MCM3AP: variants seen among roughly 807,000 people sequenced by gnomAD.
MCM3AP encodes germinal-center associated nuclear protein.
A neutral mutation model predicts 184.1 loss-of-function variants in MCM3AP; 126 were observed. The observed-to-expected ratio is 0.68, with a 90% confidence interval of 0.59 to 0.79. The LOEUF (loss-of-function observed/expected upper bound fraction) is 0.79. Ranked by LOEUF, MCM3AP falls within the 30% of genes least tolerant of loss-of-function variation. MCM3AP has a pLI of 0.00. For synonymous variants in MCM3AP, 1,002 were observed against 979.3 expected (o/e 1.02, Z -0.43); for missense variants, 2,496 against 2,479.2 (o/e 1.01, Z -0.14).
At chr21:46,249,646 C>T (rs906138459) in intron 20 of MCM3AP, 13 of 448,886 alleles carry the variant, frequency 2.9e-5, no homozygotes, top group African/African-American at 1.4e-4. Flanking sequence ...AAATTCCCCT[C>T]GCATGACATA....
intron 4 of MCM3AP, among the ~76,000 whole-genome samples, chr21:46,278,280 G>A (rs2081280440): frequency 6.6e-6 from 1 of 152,034 alleles, no homozygotes; most frequent in South Asian, 2.1e-4. Flanking sequence ...GAAATATTAA[G>A]CCTACATGTT....
intron 19 of MCM3AP, chr21:46,252,110 T>A (rs2080882053): frequency 6.5e-6 from 1 of 154,636 alleles, no homozygotes. Context: ...CAAGCAATCC[T>A]CCCTCCACAG....
At chr21:46,277,282 TC>T (rs1242479822) in intron 5 of MCM3AP, among the ~76,000 whole-genome samples, 2 of 152,192 alleles carry the variant, frequency 1.3e-5, no homozygotes, top group East Asian at 3.8e-4. Context: ...AGGAGCCCAT[TC>T]TTTTGCATCC....
chr21:46,269,493 T>C (rs1468423879), intron 9 of MCM3AP, among the ~76,000 whole-genome samples: 1 of 152,224 alleles, frequency 6.6e-6, no homozygotes, highest in African/African-American at 2.4e-5. Flanking sequence ...TTTGGCAACC[T>C]GCAGATCTGA....
chr21:46,264,857 C>G (rs2081089028), intron 12 of MCM3AP, among the ~76,000 whole-genome samples: 1 of 152,152 alleles, frequency 6.6e-6, no homozygotes, highest in Admixed American at 6.5e-5. Flanking sequence ...AGGTCACACC[C>G]ATCAGTGGGG....
intron 22 of MCM3AP, among the ~76,000 whole-genome samples, chr21:46,245,701 G>A (rs1337671851): frequency 2.0e-5 from 3 of 152,108 alleles, no homozygotes; most frequent in Non-Finnish European, 4.4e-5. Flanking sequence ...GTCTTGCTAT[G>A]TTGGCCAGGC....
chr21:46,260,134 T>C (rs916263733), intron 15 of MCM3AP, among the ~76,000 whole-genome samples: 10 of 149,556 alleles, frequency 6.7e-5, no homozygotes, highest in South Asian at 2.1e-4. Flanking sequence ...TCTATCTTCA[T>C]TGTAAAAGAA....
chr21:46,281,145 A>C (rs2081327196), intron 2 of MCM3AP, among the ~76,000 whole-genome samples: 1 of 152,098 alleles, frequency 6.6e-6, no homozygotes, highest in Admixed American at 6.5e-5. Context: ...TAGAACTCAC[A>C]AACTTGGCCT....
At position 46,235,250 on chromosome 21, in the gene MCM3AP, C is replaced by T. The variant is rs1271792947; in HGVS notation, c.*18G>A. 3.1e-6 allele frequency: 5 copies of T among 1,612,900 alleles called. No homozygotes were observed. The highest frequency in any genetic ancestry group is 4.2e-6 in the Non-Finnish European group (5 of 1,179,154). ...AGAAACTCTTCGGGAGAGACCCCCTCCCCACAGGTCAGGCTGCTCAAATGT... is the reference window on the plus strand; with the variant it reads ...AGAAACTCTTCGGGAGAGACCCCCTTCCCACAGGTCAGGCTGCTCAAATGT... On this transcript the variant is annotated 3_prime_UTR_variant, in exon 28 of 28. Transcript: ENST00000291688.
chr21:46,261,408 A>C lies in MCM3AP; in HGVS notation c.3339T>G (p.Val1113=). The C allele has an allele frequency of 6.2e-7, 1 of 1,613,980 alleles. No individual in the cohort carries two copies. The highest frequency in any genetic ancestry group is 1.1e-5 in the South Asian group (1 of 91,082). ...GAAYAAAALG[V]SNAAMEDLLT... is the part of the protein sequence containing the mutation. ...ACAAATCCTCCATAGCAGCATTAGA[A>C]ACACTAAACGGAGCAAAGGGGATAG... is the stretch of plus-strand genomic sequence containing the variant. The change falls in exon 14 of 28, where the codon GTT becomes GTG. Residue 1113 remains valine, a synonymous_variant. Transcript: ENST00000291688.
chr21:46,254,932 G>GA, intron 17 of MCM3AP, 88 bp from the exon 18 acceptor site: 1 of 910,750 alleles, frequency 1.1e-6, no homozygotes, highest in Non-Finnish European at 1.8e-6. Flanking sequence ...TCAGGAGACT[G>GA]AAAAACACAT....
At chr21:46,253,485 G>A (rs2080902829) in intron 19 of MCM3AP, 1 of 152,214 alleles carries the variant, frequency 6.6e-6, no homozygotes, top group Admixed American at 6.5e-5. Flanking sequence ...GGTGGGAAGT[G>A]ATTGTATCAT....
upstream of MCM3AP, chr21:46,285,859 G>A (rs2081414520): frequency 1.3e-5 from 2 of 152,350 alleles, no homozygotes; most frequent in South Asian, 4.1e-4. Context: ...CCTTCATCGC[G>A]CCCTGGCGGC....
At chr21:46,263,965 G>A in intron 13 of MCM3AP, 152 bp downstream of exon 13, 1 of 552,318 alleles carries the variant, frequency 1.8e-6, no homozygotes, top group Non-Finnish European at 3.3e-6. Flanking sequence ...AAAGAAGAAT[G>A]TAGGGGAAAA....
intron 26 of MCM3AP, 114 bp from the exon 27 acceptor site, chr21:46,237,093 T>G: frequency 2.3e-6 from 1 of 440,304 alleles, no homozygotes; most frequent in Non-Finnish European, 3.5e-6. Flanking sequence ...TTTTAAAATT[T>G]TATATAATTT....
intron 15 of MCM3AP, among the ~76,000 whole-genome samples, chr21:46,259,698 G>A (rs1407289236): frequency 2.6e-5 from 4 of 151,956 alleles, no homozygotes; most frequent in African/African-American, 9.7e-5. Flanking sequence ...GGATCACGAG[G>A]TCAGGAGATC....
intron 26 of MCM3AP, 56 bp downstream of exon 26, chr21:46,240,755 C>A: frequency 1.3e-6 from 2 of 1,488,016 alleles, no homozygotes; most frequent in Non-Finnish European, 1.9e-6. Flanking sequence ...AACCAGTCTC[C>A]CCTCACAGCA....
At chr21:46,275,411 A>G (rs1468456752) in intron 5 of MCM3AP, 86 bp from the exon 6 acceptor site, 1 of 1,186,456 alleles carries the variant, frequency 8.4e-7, no homozygotes, top group African/African-American at 1.6e-5. Flanking sequence ...ATAAAAAGAA[A>G]TTAAAACTTA....
intron 12 of MCM3AP, among the ~76,000 whole-genome samples, chr21:46,265,000 A>G (rs1448094594): frequency 6.6e-6 from 1 of 152,144 alleles, no homozygotes; most frequent in East Asian, 1.9e-4. Flanking sequence ...CACACCCACC[A>G]GGCGGACACG....
Sources: allele counts gnomAD v4.1 joint callset (sites outside exome capture counted in the v4.1 genomes callset), GRCh38; gene constraint gnomAD v4.1.1; transcripts MANE v1.5; gene names NCBI Gene and HGNC (gene_info 2026-07-23, HGNC 2026-07-21).